Variants in PTPRQ observed in about 807,000 individuals in gnomAD.
PTPRQ encodes the protein protein tyrosine phosphatase receptor type Q, also known as phosphatidylinositol phosphatase PTPRQ.
Under a neutral mutation model 246.0 loss-of-function variants are expected in PTPRQ, and 199 were observed. The ratio of observed to expected loss-of-function variants is 0.81; its 90% confidence interval spans 0.72 to 0.91. The LOEUF is 0.91. Ranked by LOEUF, PTPRQ falls within the 40% of genes least tolerant of loss-of-function variation. PTPRQ has a pLI of 0.00. For synonymous variants in PTPRQ, 869 were observed against 853.2 expected (o/e 1.02, Z -0.32); for missense variants, 2,624 against 2,528.4 (o/e 1.04, Z -0.81).
rs1283961125 is a variant in PTPRQ, at chr12:80,613,607, C to T, written c.4934C>T (p.Pro1645Leu). Residue 1645 changes from proline to leucine, a missense_variant, in exon 29 of 45, where the codon CCT (proline) becomes CTT (leucine). By Grantham distance (98) the Pro-to-Leu change is moderately conservative. Transcript: ENST00000644991. Reference protein sequence around the residue: ...TTLESAPKDPPNNMTFQKIPD... With the variant: ...TTLESAPKDPLNNMTFQKIPD... Reference sequence around the variant, plus strand: ...TTTATTTTAGCCCCAAAGGACCCACCTAACAACATGACATTTCAGAAGATA... The same window carrying T: ...TTTATTTTAGCCCCAAAGGACCCACTTAACAACATGACATTTCAGAAGATA... 1.9e-6 allele frequency: 3 copies of T among 1,539,848 alleles called. No individual in the cohort carries two copies. The South Asian group carries it at 3.7e-5, about 19-fold the overall frequency.
chr12:80,648,216 T>C (rs1900139862), intron 35 of PTPRQ, among the ~76,000 whole-genome samples: 1 of 152,136 alleles, frequency 6.6e-6, no homozygotes, highest in African/African-American at 2.4e-5. Context: ...TTCATTTCAT[T>C]ATATTTTGTG....
At chr12:80,649,775 G>C in intron 37 of PTPRQ, 106 bp downstream of exon 37, 3 of 1,397,490 alleles carry the variant, frequency 2.1e-6, no homozygotes, top group Non-Finnish European at 2.8e-6. Flanking sequence ...CTCTGGCCTT[G>C]ATAATCAATA....
At chr12:80,449,322 G>C (rs1565710343) in intron 3 of PTPRQ, among the ~76,000 whole-genome samples, 1 of 151,882 alleles carries the variant, frequency 6.6e-6, no homozygotes, top group African/African-American at 2.4e-5. Flanking sequence ...CCATTTTTTG[G>C]GTTGCCTGTT....
In PTPRQ at chr12:80,673,165, G is replaced by C; in HGVS notation, c.6603-4G>C. 6.5e-7 allele frequency: 1 copy of C among 1,550,200 alleles called. No individual in the cohort carries two copies. The highest frequency in any genetic ancestry group is 8.7e-7 in the Non-Finnish European group (1 of 1,145,968). On this transcript the variant is annotated splice_polypyrimidine_tract_variant and splice_region_variant and intron_variant, in intron 42 of 44. Transcript: ENST00000644991. ...AATTTTCATGTAATTTACCCTTCCT[G>C]TAGTGCTGGAGTTGGAAGAACTGGA...
intron 40 of PTPRQ, 53 bp downstream of exon 40, chr12:80,669,194 A>T (rs1900886164): frequency 6.5e-7 from 1 of 1,534,484 alleles, no homozygotes; most frequent in South Asian, 1.2e-5. Flanking sequence ...GTGTTAACAT[A>T]TGTGTGAATA....
intron 26 of PTPRQ, among the ~76,000 whole-genome samples, chr12:80,590,430 G>A (rs1010937626): frequency 6.6e-6 from 1 of 152,044 alleles, no homozygotes; most frequent in Non-Finnish European, 1.5e-5. Flanking sequence ...CACTTTGAGA[G>A]GCTGAGGCGG....
intron 8 of PTPRQ, among the ~76,000 whole-genome samples, chr12:80,481,561 A>G (rs1031201734): frequency 3.2e-4 from 48 of 152,140 alleles, no homozygotes; most frequent in East Asian, 1.9e-4. Flanking sequence ...AGGGCATTCA[A>G]TTAGGAAAAG....
At chr12:80,472,387 T>G in intron 8 of PTPRQ, 136 bp downstream of exon 8, 1 of 1,258,358 alleles carries the variant, frequency 7.9e-7, no homozygotes, top group Non-Finnish European at 1.1e-6. Context: ...ACTACCTAAT[T>G]CATTCTGAAC....
chr12:80,651,738 C>CT (rs1900265178), intron 37 of PTPRQ, among the ~76,000 whole-genome samples: 1 of 151,862 alleles, frequency 6.6e-6, no homozygotes, highest in Admixed American at 6.6e-5. Context: ...TTAAACTCAC[C>CT]TTTTTTCTCC....
intron 25 of PTPRQ, among the ~76,000 whole-genome samples, chr12:80,574,203 T>C (rs1897225233): frequency 2.0e-5 from 3 of 152,208 alleles, no homozygotes; most frequent in African/African-American, 7.2e-5. Flanking sequence ...TTGTCTGTTA[T>C]TAATATAACA....
chr12:80,446,844 T>C (rs1456396796), intron 3 of PTPRQ, among the ~76,000 whole-genome samples: 2 of 152,058 alleles, frequency 1.3e-5, no homozygotes, highest in African/African-American at 4.8e-5. Context: ...GTTGATTCCA[T>C]GACCTTGCTA....
In PTPRQ at chr12:80,634,545, G is replaced by C. The variant is rs531034123; in HGVS notation, c.5787-400G>C. 8 of 157,134 alleles carry C rather than the reference G, an allele frequency of 5.1e-5. 2 individuals are homozygous for C. The highest frequency in any genetic ancestry group is 1.9e-4 in the African/African-American group (8 of 41,566). The allele number at this position is 157,134 out of a possible 1,614,324, so 9.7% of individuals were successfully genotyped here. A position where few individuals can be genotyped will look rare whatever the true frequency, so the allele number is the denominator to read the frequency against. On this transcript the variant is annotated intron_variant, in intron 34 of 44. Coordinates refer to ENST00000644991, the MANE Select transcript of PTPRQ (RefSeq NM_001145026.2). ...GAACACAATGGGGCATTATCTGTTA[G>C]CAATACTATTGATAGCATTGAACTA...
intron 26 of PTPRQ, among the ~76,000 whole-genome samples, chr12:80,599,057 T>A (rs748688544): frequency 5.2e-4 from 79 of 151,924 alleles, no homozygotes; most frequent in Non-Finnish European, 4.4e-4. Context: ...TTCAAATTTT[T>A]ATATGGACTA....
chr12:80,658,094 A>G, intron 39 of PTPRQ, 33 bp downstream of exon 39: 1 of 1,181,080 alleles, frequency 8.5e-7, no homozygotes, highest in Non-Finnish European at 1.1e-6. Context: ...TTATAATTGT[A>G]TAAAACATAA....
chr12:80,654,214 C>A (rs1005497224), intron 38 of PTPRQ, among the ~76,000 whole-genome samples: 2 of 152,130 alleles, frequency 1.3e-5, no homozygotes, highest in Non-Finnish European at 2.9e-5. Context: ...CCTGCCTCAG[C>A]CTCCCAAGTA....
At chr12:80,462,248 A>G (rs956155509) in intron 6 of PTPRQ, among the ~76,000 whole-genome samples, 4 of 152,226 alleles carry the variant, frequency 2.6e-5, no homozygotes, top group Non-Finnish European at 5.9e-5. Context: ...ACCCCCACGG[A>G]GTCTGCCTGA....
At chr12:80,461,128 G>T (rs1031380816) in intron 6 of PTPRQ, among the ~76,000 whole-genome samples, 1 of 152,108 alleles carries the variant, frequency 6.6e-6, no homozygotes, top group Admixed American at 6.5e-5. Context: ...CAATTCTTGA[G>T]CCACTGACCG....
chr12:80,546,671 T>G lies in PTPRQ; in HGVS notation c.3989T>G (p.Val1330Gly). 6.4e-7 allele frequency: 1 copy of G among 1,551,386 alleles called. No individual in the cohort carries two copies. The highest frequency in any genetic ancestry group is 1.2e-5 in the South Asian group (1 of 84,022). Reference protein sequence around the residue: ...KVGNGNQFSNVVKFTTQESVP... With the variant: ...KVGNGNQFSNGVKFTTQESVP... Reference sequence around the variant, plus strand: ...GGAAATGGCAATCAATTTAGTAATGTAGTAAAATTCACAACCCAAGAATCA... The same window carrying G: ...GGAAATGGCAATCAATTTAGTAATGGAGTAAAATTCACAACCCAAGAATCA... Residue 1330 changes from valine (V) to glycine (G), a missense_variant, in exon 24 of 45, where the codon GTA (valine) becomes GGA (glycine). Coordinates refer to ENST00000644991, the MANE Select transcript of PTPRQ (RefSeq NM_001145026.2).
intron 29 of PTPRQ, among the ~76,000 whole-genome samples, chr12:80,614,371 T>C (rs1304271412): frequency 1.3e-5 from 2 of 150,788 alleles, no homozygotes; most frequent in African/African-American, 2.4e-5. Context: ...ACAATTTGTT[T>C]TATTCCTTGC....
Sources: allele counts gnomAD v4.1 joint callset (sites outside exome capture counted in the v4.1 genomes callset), GRCh38; gene constraint gnomAD v4.1.1; transcripts MANE v1.5; gene names NCBI Gene and HGNC (gene_info 2026-07-23, HGNC 2026-07-21).